The following CRACD variants were observed in gnomAD, a reference collection of about 807,000 sequenced individuals.
The protein encoded by CRACD is capping protein-inhibiting regulator of actin dynamics.
In CRACD, 56 loss-of-function variants were observed where a neutral mutation model predicts 106.8. The ratio of observed to expected loss-of-function variants is 0.52; its 90% CI spans 0.42 to 0.66. CRACD has a LOEUF of 0.66. CRACD is among the 30% of genes least tolerant of loss of function. The probability of loss-of-function intolerance (pLI) is 0.00; values close to 1 mark genes in which losing one functional copy is unlikely to be tolerated. For missense variants in CRACD, 1,730 were observed against 1,623.2 expected, an observed-to-expected ratio of 1.07 and a Z score of -1.13; for synonymous variants, 754 against 670.8, an observed-to-expected ratio of 1.12 and a Z score of -1.92.
At chr4:56,221,055 C>T (rs1272431643) in intron 2 of CRACD, among the ~76,000 whole-genome samples, 1 of 152,008 alleles carries the variant, frequency 6.6e-6, no homozygotes, top group Admixed American at 6.6e-5. Flanking sequence ...AAGCCAAACC[C>T]CTGGAAAGAG....
intron 1 of CRACD, among the ~76,000 whole-genome samples, chr4:56,078,857 G>T (rs1024299012): frequency 6.6e-6 from 1 of 152,222 alleles, no homozygotes; most frequent in African/African-American, 2.4e-5. Flanking sequence ...TAGCCTGGTT[G>T]AGCAGAGAGA....
Position 56,307,707 on chromosome 4 carries a change from T to G in CRACD, c.285+8T>G. On this transcript the variant is annotated splice_region_variant and intron_variant, in intron 5 of 10. Coordinates refer to ENST00000682029, the MANE Select transcript of CRACD (RefSeq NM_001393381.1). ...TCAGACGCAGAGAACAAGGTAAGTC[T>G]CCTCCAGGGAATGACTTGATGGCTC... 1 of 1,613,800 alleles carries G rather than the reference T, an allele frequency of 6.2e-7. No homozygotes were observed. Among genetic ancestry groups the G allele is most frequent in the Non-Finnish European group, 8.5e-7 (1 of 1,179,900 alleles).
chr4:56,192,772 C>T (rs77017248), intron 2 of CRACD, among the ~76,000 whole-genome samples: 9,419 of 152,182 alleles, frequency 0.062, 1,073 homozygotes, highest in East Asian at 0.5. Flanking sequence ...AGACCTTTTC[C>T]TGATCTGAAA....
At chr4:56,167,463 C>T (rs1736196707) in intron 1 of CRACD, among the ~76,000 whole-genome samples, 1 of 152,112 alleles carries the variant, frequency 6.6e-6, no homozygotes, top group Non-Finnish European at 1.5e-5. Context: ...TCTCAAATAC[C>T]ATTTATTCTT....
At chr4:56,173,662 T>C (rs1220784279) in intron 1 of CRACD, among the ~76,000 whole-genome samples, 2 of 152,248 alleles carry the variant, frequency 1.3e-5, no homozygotes, top group African/African-American at 4.8e-5. Flanking sequence ...TATTTGTCAA[T>C]TTGCCCACTT....
intron 2 of CRACD, among the ~76,000 whole-genome samples, chr4:56,185,502 A>T (rs140794342): frequency 2.6e-5 from 4 of 152,224 alleles, no homozygotes; most frequent in African/African-American, 7.2e-5. Context: ...CTTAATTGTT[A>T]TTACCAATCA....
Position 56,315,510 on chromosome 4 carries a change from T to G in CRACD, c.2008T>G (p.Ser670Ala). 1 of 1,613,702 alleles carries G rather than the reference T, an allele frequency of 6.2e-7. No homozygotes were observed. Among genetic ancestry groups the G allele is most frequent in the Middle Eastern group, 1.7e-4 (1 of 6,060 alleles). Residue 670 changes from serine (S) to alanine (A), a missense_variant, in exon 8 of 11, where the codon TCC (serine) becomes GCC (alanine). Physicochemically the swap from Ser to Ala is moderately conservative, Grantham distance 99 (BLOSUM62 1). Coordinates refer to ENST00000682029, the MANE Select transcript of CRACD (RefSeq NM_001393381.1). The surrounding 1 kb of genome is among the most constrained non-coding windows in gnomAD (Gnocchi z 4.1). ...CGCGTCCGCACTCGCAGAATGGGCT[T>G]CCATTCGGTCCAGAATCCTGAAGAA... Reference protein sequence around the residue: ...SSASALAEWASIRSRILKNAE... With the variant: ...SSASALAEWAAIRSRILKNAE...
intron 1 of CRACD, among the ~76,000 whole-genome samples, chr4:56,138,961 T>TA (rs1735100855): frequency 6.6e-6 from 1 of 152,186 alleles, no homozygotes; most frequent in African/African-American, 2.4e-5. Context: ...ATAACTTTAG[T>TA]AGGTTTCATA....
intron 3 of CRACD, among the ~76,000 whole-genome samples, chr4:56,296,923 T>TC (rs1450449208): frequency 1.4e-5 from 2 of 147,396 alleles, no homozygotes; most frequent in East Asian, 2.0e-4. Flanking sequence ...TTTGTTTGTT[T>TC]TTTTTTTTTT....
At chr4:56,203,570 T>G (rs990642317) in intron 2 of CRACD, among the ~76,000 whole-genome samples, 1 of 152,214 alleles carries the variant, frequency 6.6e-6, no homozygotes, top group Non-Finnish European at 1.5e-5. Context: ...TATTGAACTG[T>G]GCTTCCAGAG....
intron 4 of CRACD, among the ~76,000 whole-genome samples, chr4:56,304,203 C>T (rs1744533259): frequency 6.6e-6 from 1 of 152,136 alleles, no homozygotes; most frequent in Admixed American, 6.6e-5. Flanking sequence ...TCTCTGTTCC[C>T]TGTCCCTTCC....
In CRACD at chr4:56,186,499, G is replaced by C. The variant is rs187468245; in HGVS notation, c.-189+7069G>C. Among the ~76,000 whole-genome samples the C allele has an allele frequency of 5.3e-4, 81 of 152,280 alleles. 1 individual carries two copies. Among genetic ancestry groups the C allele is most frequent in the African/African-American group, 1.8e-3 (76 of 41,566 alleles). On this transcript the variant is annotated intron_variant, in intron 2 of 10. Transcript: ENST00000682029. ...GAAAACACCAACTTTAGAGTAACTA[G>C]TTTGACAAGAAATAGCAGAGAGATG...
intron 10 of CRACD, among the ~76,000 whole-genome samples, chr4:56,326,010 C>G (rs6820279): frequency 0.17 from 25,860 of 152,172 alleles, 2,540 homozygotes; most frequent in Admixed American, 0.31. Flanking sequence ...CTCCTGGGTT[C>G]AAGCAATTCT....
chr4:56,158,989 C>T (rs911584013), intron 1 of CRACD, among the ~76,000 whole-genome samples: 8 of 152,234 alleles, frequency 5.3e-5, no homozygotes, highest in Non-Finnish European at 1.2e-4. Flanking sequence ...ATCATTTTCC[C>T]TGTGGAGCAT....
chr4:56,283,073 C>T (rs1577853715), intron 3 of CRACD, among the ~76,000 whole-genome samples: 1 of 152,194 alleles, frequency 6.6e-6, no homozygotes, highest in Non-Finnish European at 1.5e-5. Context: ...CTCCAGGTCA[C>T]AGACCCAGCA....
chr4:56,330,285 GTTTT>G lies in CRACD; in HGVS notation c.*2484_*2487del, dbSNP rs1183153761. On this transcript the variant is annotated 3_prime_UTR_variant, in exon 11 of 11. Coordinates refer to ENST00000682029, the MANE Select transcript of CRACD (RefSeq NM_001393381.1). ...ATAGACTTATATATAAAACTAGAGG[GTTTT>G]TTGTTTACTTTTTTAATTTTTCAAG... 2.0e-5 allele frequency among the ~76,000 whole-genome samples: 3 copies of G among 151,584 alleles called. No homozygotes were observed. Among genetic ancestry groups the G allele is most frequent in the African/African-American group, 7.3e-5 (3 of 41,242 alleles).
chr4:56,208,970 GTCTC>G (rs149819067), intron 2 of CRACD, among the ~76,000 whole-genome samples: 2,650 of 152,104 alleles, frequency 0.017, 76 homozygotes, highest in African/African-American at 0.059. Context: ...GGCAGAATCT[GTCTC>G]TCTCTCTCTT....
chr4:56,324,234 A>C lies in CRACD; in HGVS notation c.3509A>C (p.Lys1170Thr). Residue 1170 changes from lysine to threonine, a missense_variant, in exon 10 of 11, where the codon AAA becomes ACA. Physicochemically the swap from Lys to Thr is moderately conservative, Grantham distance 78. Coordinates refer to ENST00000682029, the MANE Select transcript of CRACD (RefSeq NM_001393381.1). Reference sequence around the variant, plus strand: ...AGGCTTGAGCGCAGAGAACAGCTGAAAAAGGCCAATACTCTTCCTACGTCT... The same window carrying C: ...AGGCTTGAGCGCAGAGAACAGCTGACAAAGGCCAATACTCTTCCTACGTCT... ...VSRLERREQLKKANTLPTSVT... is the reference protein window; with the variant it reads ...VSRLERREQLTKANTLPTSVT... 6.2e-7 allele frequency: 1 copy of C among 1,614,142 alleles called. No individual in the cohort carries two copies. Among genetic ancestry groups the C allele is most frequent in the Non-Finnish European group, 8.5e-7 (1 of 1,179,962 alleles).
intron 1 of CRACD, among the ~76,000 whole-genome samples, chr4:56,052,751 G>A (rs1560436710): frequency 6.6e-6 from 1 of 152,140 alleles, no homozygotes; most frequent in Non-Finnish European, 1.5e-5. Flanking sequence ...GAGGGATGAA[G>A]CAAAGATTCA....
Sources: allele counts gnomAD v4.1 joint callset (sites outside exome capture counted in the v4.1 genomes callset), GRCh38; gene constraint gnomAD v4.1.1; non-coding constraint Gnocchi (gnomAD v3.1); transcripts MANE v1.5; gene names NCBI Gene and HGNC (gene_info 2026-07-23, HGNC 2026-07-21).